Variants in GTF3C6 observed in about 807,000 individuals in gnomAD.
The protein encoded by GTF3C6 is general transcription factor IIIC subunit 6, also known as general transcription factor 3C polypeptide 6.
In GTF3C6, 11 loss-of-function variants were observed where a neutral mutation model predicts 19.2. The ratio of observed to expected loss-of-function variants is 0.57; its 90% confidence interval spans 0.36 to 0.95. The LOEUF is 0.95. Ranked by LOEUF, GTF3C6 falls within the 40% of genes least tolerant of loss-of-function variation. GTF3C6 has a pLI of 0.01. For missense variants in GTF3C6, 222 were observed against 254.7 expected, an observed-to-expected ratio of 0.87 and a Z score of 0.87; for synonymous variants, 87 against 84.2, an observed-to-expected ratio of 1.03 and a Z score of -0.18.
chr6:110,964,989 C>A (rs890017298), intron 5 of GTF3C6, among the ~76,000 whole-genome samples: 7 of 151,848 alleles, frequency 4.6e-5, no homozygotes, highest in African/African-American at 1.7e-4. Context: ...CGCACCAGCA[C>A]GCCCAGCTAA....
At chr6:110,962,764 A>G (rs1583247380) in intron 5 of GTF3C6, among the ~76,000 whole-genome samples, 1 of 150,558 alleles carries the variant, frequency 6.6e-6, no homozygotes, top group Non-Finnish European at 1.5e-5. Context: ...CACCACGCCC[A>G]GCCAATTTTC....
chr6:110,959,144 G>C (rs749144625), intron 1 of GTF3C6, 28 bp from the exon 2 acceptor site: 2 of 1,517,418 alleles, frequency 1.3e-6, no homozygotes. Flanking sequence ...TCGCGTGCTA[G>C]CATGTTAACC....
chr6:110,958,860 G>C, intron 1 of GTF3C6, 34 bp downstream of exon 1: 6 of 1,544,622 alleles, frequency 3.9e-6, no homozygotes, highest in Non-Finnish European at 4.4e-6. Context: ...CTGCACCGCA[G>C]TGGCGGTGAT....
intron 5 of GTF3C6, among the ~76,000 whole-genome samples, chr6:110,966,832 ATATC>A (rs58859844): frequency 0.25 from 37,463 of 151,930 alleles, 5,296 homozygotes; most frequent in East Asian, 0.65. Flanking sequence ...AAAAATATGA[ATATC>A]TATAGTTGAA....
At position 110,959,378 on chromosome 6, in the gene GTF3C6, G is replaced by C. The variant is rs1011095328; in HGVS notation, c.138+126G>C. 3 of 646,048 alleles carry C rather than the reference G, an allele frequency of 4.6e-6. No homozygotes were observed. In the African/African-American group the frequency reaches 5.6e-5, roughly 12 times the overall value. 40.0% of individuals were successfully genotyped at this position (646,048 alleles called of 1,614,324 possible). A position where few individuals can be genotyped will look rare whatever the true frequency, so the allele number is the denominator to read the frequency against. On this transcript the variant is annotated intron_variant, in intron 2 of 5. Coordinates refer to ENST00000329970, the MANE Select transcript of GTF3C6 (RefSeq NM_138408.4). ...CACCTTACAAAGTAGTGAACTCTAA[G>C]GATAAGAAGTATACTAAGTATAATT... is the stretch of plus-strand genomic sequence containing the variant.
At position 110,967,686 on chromosome 6, in the gene GTF3C6, C is replaced by T; in HGVS notation, c.538C>T (p.Gln180Ter). 1.2e-6 allele frequency: 2 copies of T among 1,614,024 alleles called. No homozygotes were observed. Among genetic ancestry groups the T allele is most frequent in the Non-Finnish European group, 1.7e-6 (2 of 1,179,942 alleles). Residue 180 changes from glutamine to a stop codon, truncating the protein, a stop_gained, in exon 6 of 6, where the codon CAG becomes TAG. Transcript: ENST00000329970. LOFTEE classifies it low-confidence loss of function (END_TRUNC). The stretch of plus-strand genomic sequence containing the variant: ...CGACAGTTCAAACCTGAGTTGTGAA[C>T]AGGAGAAACCAATGCACTTGGAAAT... ...MNDSSNLSCE[Q>*]EKPMHLEIED...
chr6:110,966,193 G>T (rs1307914539), intron 5 of GTF3C6, among the ~76,000 whole-genome samples: 1 of 152,088 alleles, frequency 6.6e-6, no homozygotes, highest in African/African-American at 2.4e-5. Context: ...CACAGTCTTG[G>T]CTAGGCGTGG....
At chr6:110,964,441 C>T (rs1771203028) in intron 5 of GTF3C6, among the ~76,000 whole-genome samples, 1 of 151,862 alleles carries the variant, frequency 6.6e-6, no homozygotes, top group Non-Finnish European at 1.5e-5. Flanking sequence ...GACAGGGTTT[C>T]ACCATGTTGG....
intron 5 of GTF3C6, among the ~76,000 whole-genome samples, chr6:110,963,707 T>TG (rs1231371598): frequency 6.6e-6 from 1 of 150,900 alleles, no homozygotes; most frequent in Non-Finnish European, 1.5e-5. Context: ...AGCTGGCTTT[T>TG]TTTTTTTTTT....
intron 2 of GTF3C6, among the ~76,000 whole-genome samples, chr6:110,959,578 C>T (rs1771131669): frequency 6.6e-6 from 1 of 152,020 alleles, no homozygotes; most frequent in African/African-American, 2.4e-5. Flanking sequence ...ATTCTCAGCA[C>T]TTTGGGAGGC....
At chr6:110,966,666 C>G (rs1307966322) in intron 5 of GTF3C6, among the ~76,000 whole-genome samples, 1 of 152,136 alleles carries the variant, frequency 6.6e-6, no homozygotes, top group African/African-American at 2.4e-5. Context: ...CTTCTAGGAA[C>G]TTGCATTCTA....
In GTF3C6 at chr6:110,967,119, A is replaced by T. The variant is rs1452610398; in HGVS notation, c.362-391A>T. 2.6e-5 allele frequency among the ~76,000 whole-genome samples: 4 copies of T among 152,070 alleles called. No homozygotes were observed. In the East Asian group the frequency reaches 7.7e-4, roughly 29 times the overall value. On this transcript the variant is annotated intron_variant, in intron 5 of 5. Coordinates refer to ENST00000329970, the MANE Select transcript of GTF3C6 (RefSeq NM_138408.4). ...ACTGAGCCAAGATCGTACCCACTGCACTCCAGCCTGGGTGACAGAGCGAGA... is the reference window on the plus strand; with the variant it reads ...ACTGAGCCAAGATCGTACCCACTGCTCTCCAGCCTGGGTGACAGAGCGAGA...
At chr6:110,962,365 T>C (rs374533015) in intron 4 of GTF3C6, 27 bp from the exon 5 acceptor site, 14 of 1,190,916 alleles carry the variant, frequency 1.2e-5, no homozygotes, top group Non-Finnish European at 1.8e-5. Flanking sequence ...ATAAGAAGTA[T>C]AATAATGTTG....
Position 110,959,169 on chromosome 6 carries a change from C to G in GTF3C6, c.58-3C>G. 6.2e-7 allele frequency: 1 copy of G among 1,605,712 alleles called. No individual in the cohort carries two copies. The highest frequency in any genetic ancestry group is 8.5e-7 in the Non-Finnish European group (1 of 1,172,550). Reference sequence around the variant, plus strand: ...GCATGTTAACCCCTCTTTCTTTCACCAGGAGCAGTTGGTTCTGGTGGAATT... The same window carrying G: ...GCATGTTAACCCCTCTTTCTTTCACGAGGAGCAGTTGGTTCTGGTGGAATT... On this transcript the variant is annotated splice_polypyrimidine_tract_variant and splice_region_variant and intron_variant, in intron 1 of 5. Transcript: ENST00000329970.
chr6:110,965,209 C>T (rs922667832), intron 5 of GTF3C6, among the ~76,000 whole-genome samples: 1 of 147,224 alleles, frequency 6.8e-6, no homozygotes, highest in Non-Finnish European at 1.5e-5. Flanking sequence ...CTCCTGGGCT[C>T]AAGTGATCCT....
At chr6:110,959,103 C>A in intron 1 of GTF3C6, 69 bp from the exon 2 acceptor site, 1 of 1,155,606 alleles carries the variant, frequency 8.7e-7, no homozygotes, top group Non-Finnish European at 1.3e-6. Flanking sequence ...GGAAATTTGG[C>A]TTCTTTTGCT....
At position 110,962,482 on chromosome 6, in the gene GTF3C6, AGAAG is replaced by A. The variant is rs1399114381; in HGVS notation, c.345_348del (p.Gly116LysfsTer4). On this transcript the variant is annotated frameshift_variant, in exon 5 of 6. Coordinates refer to ENST00000329970, the MANE Select transcript of GTF3C6 (RefSeq NM_138408.4). LOFTEE classifies it high-confidence loss of function. ...ATGACAAGAACTCTCCTGACAGAGAAGAAGGAAGGAGAAGAAAACATAGGTTAGT... is the reference window on the plus strand; with the variant it reads ...ATGACAAGAACTCTCCTGACAGAGAAGAAGGAGAAGAAAACATAGGTTAGT... 24 of 1,596,968 alleles carry A rather than the reference AGAAG, an allele frequency of 1.5e-5. No individual in the cohort carries two copies. Among genetic ancestry groups the A allele is most frequent in the Non-Finnish European group, 1.9e-5 (22 of 1,164,498 alleles).
chr6:110,959,395 A>G, intron 2 of GTF3C6, 143 bp downstream of exon 2: 1 of 581,744 alleles, frequency 1.7e-6, no homozygotes. Flanking sequence ...AAGTATACTA[A>G]GTATAATTAA....
rs1185936826 is a variant in GTF3C6 at position 110,958,967 on chromosome 6, G to C, written c.57+141G>C. ...CCGGCTTCTTGCTCCTGGGCGCGAG[G>C]AGCCGGGCAGCTTGGGACCTTAGCC... On this transcript the variant is annotated intron_variant, in intron 1 of 5. Coordinates refer to ENST00000329970, the MANE Select transcript of GTF3C6 (RefSeq NM_138408.4). The C allele has an allele frequency of 2.9e-6, 3 of 1,019,678 alleles. No homozygotes were observed. In the Admixed American group the frequency reaches 7.9e-5, roughly 27 times the overall value. 63.2% of individuals were successfully genotyped at this position (1,019,678 alleles called of 1,614,324 possible).
Sources: gnomAD v4.1 joint callset for allele counts (sites outside exome capture counted in the v4.1 genomes callset) on GRCh38, gnomAD v4.1.1 for gene constraint, MANE v1.5 for transcripts, NCBI Gene and HGNC (gene_info 2026-07-23, HGNC 2026-07-21) for gene names.